BMP1: variants seen among roughly 807,000 people sequenced by gnomAD.
BMP1 encodes bone morphogenetic protein 1.
BMP1 carries 63 observed loss-of-function variants against 116.8 expected under a neutral mutation model. That is an observed-to-expected ratio of 0.54 (90% confidence interval 0.44 to 0.67). The LOEUF (loss-of-function observed/expected upper bound fraction) is 0.67. Ranked by LOEUF, BMP1 falls within the 30% of genes least tolerant of loss-of-function variation. The pLI is 0.00. For missense variants in BMP1, 1,183 were observed against 1,358.9 expected (o/e 0.87, Z 2.04); for synonymous variants, 536 against 533.4 (o/e 1.00, Z -0.07).
chr8:22,192,525 AT>A (rs1213673172), intron 9 of BMP1, among the ~76,000 whole-genome samples: 2 of 151,866 alleles, frequency 1.3e-5, no homozygotes, highest in Non-Finnish European at 2.9e-5. Flanking sequence ...AGGATCCACT[AT>A]TTTTTTCTAT....
chr8:22,197,224 C>T lies in BMP1; in HGVS notation c.1927-16C>T, dbSNP rs746826358. The T allele has an allele frequency of 6.2e-7, 1 of 1,600,764 alleles. No homozygotes were observed. Among genetic ancestry groups the T allele is most frequent in the Non-Finnish European group, 8.6e-7 (1 of 1,169,540 alleles). On this transcript the variant is annotated splice_polypyrimidine_tract_variant and intron_variant, in intron 14 of 19. Coordinates refer to ENST00000306385, the MANE Select transcript of BMP1 (RefSeq NM_006129.5). ...CTTCCTGGAGGAGGCGGGCCTGGAGCTGGGCTTCCCTGCAGGTGTGCAAGT... is the reference window on the plus strand; with the variant it reads ...CTTCCTGGAGGAGGCGGGCCTGGAGTTGGGCTTCCCTGCAGGTGTGCAAGT...
In BMP1 at chr8:22,196,670, G is replaced by A. The variant is rs370321818; in HGVS notation, c.1766-10G>A. On this transcript the variant is annotated splice_polypyrimidine_tract_variant and intron_variant, in intron 13 of 19. Transcript: ENST00000306385. ...CCCCGCAGACGATGCCACCTTCCTT[G>A]TCCCCGCAGCTGCTTGTGGCGGATT... is the stretch of plus-strand genomic sequence containing the variant. 238 of 1,613,714 alleles carry A rather than the reference G, an allele frequency of 1.5e-4. No homozygotes were observed. The highest frequency in any genetic ancestry group is 1.9e-4 in the Non-Finnish European group (219 of 1,179,988).
chr8:22,192,417 G>A (rs1022174394), intron 9 of BMP1: 6 of 375,374 alleles, frequency 1.6e-5, no homozygotes, highest in East Asian at 1.1e-4. Context: ...GTCACCCTAC[G>A]GGTGCAAGGA....
At chr8:22,198,742 C>T (rs1240801788) in intron 15 of BMP1, 1 of 199,394 alleles carries the variant, frequency 5.0e-6, no homozygotes. Context: ...CCTGCCTGAC[C>T]CCCGGATGCC....
intron 9 of BMP1, 68 bp downstream of exon 9, chr8:22,192,219 C>T (rs1359115400): frequency 3.6e-6 from 5 of 1,382,024 alleles, no homozygotes; most frequent in Non-Finnish European, 5.1e-6. Flanking sequence ...TCATCACACT[C>T]TTCATCCCCC....
chr8:22,185,140 TGAG>T (rs1828730214), intron 8 of BMP1, among the ~76,000 whole-genome samples: 2 of 152,058 alleles, frequency 1.3e-5, no homozygotes, highest in Non-Finnish European at 2.9e-5. Flanking sequence ...AGAACCTTTA[TGAG>T]GAGGAGACGG....
rs748260012 is a variant in BMP1, at chr8:22,194,167, C to T, written c.1290C>T (p.Val430=). The T allele has an allele frequency of 2.5e-6, 4 of 1,614,060 alleles. No individual in the cohort carries two copies. The Admixed American group carries it at 6.7e-5, about 27-fold the overall frequency. Reference sequence around the variant, plus strand: ...GGGTTGGAAAGGGCTTCTTTGCAGTCTACGAAGGTACTGAGGAAGGCGGCG... The same window carrying T: ...GGGTTGGAAAGGGCTTCTTTGCAGTTTACGAAGGTACTGAGGAAGGCGGCG... ...SNWVGKGFFA[V]YEAICGGDVK... Residue 430 remains valine (V), a synonymous_variant, in exon 10 of 20, where the codon GTC becomes GTT. Transcript: ENST00000306385. The surrounding 1 kb of genome is among the most constrained non-coding windows in gnomAD (Gnocchi z 4.5).
rs746080979 is a variant in BMP1 at position 22,195,596 on chromosome 8, C to T, written c.1765+9C>T. 2.5e-6 allele frequency: 4 copies of T among 1,610,742 alleles called. No homozygotes were observed. The highest frequency in any genetic ancestry group is 3.4e-6 in the Non-Finnish European group (4 of 1,179,292). On this transcript the variant is annotated intron_variant, in intron 13 of 19. Coordinates refer to ENST00000306385, the MANE Select transcript of BMP1 (RefSeq NM_006129.5). Reference sequence around the variant, plus strand: ...CAAGCGCCGCTGTGAGGGTGAGTGCCCCCAGACTGCCTCTGACCCTGTTCT... The same window carrying T: ...CAAGCGCCGCTGTGAGGGTGAGTGCTCCCAGACTGCCTCTGACCCTGTTCT...
rs752059486 is a variant in BMP1, at chr8:22,206,959, C to T, written c.2339C>T (p.Thr780Ile). Residue 780 changes from threonine (T) to isoleucine (I), a missense_variant, in exon 17 of 20, where the codon ACC becomes ATC. By Grantham distance (89) the Thr-to-Ile change is moderately conservative. Transcript: ENST00000306385. ...KKECTWAISS[T>I]PGHRVKLTFM... ...GAGTGCACGTGGGCCATCTCCAGCACCCCCGGGCACCGGGTCAAGCTGGTA... is the reference window on the plus strand; with the variant it reads ...GAGTGCACGTGGGCCATCTCCAGCATCCCCGGGCACCGGGTCAAGCTGGTA... 34 of 1,614,042 alleles carry T rather than the reference C, an allele frequency of 2.1e-5. No homozygotes were observed. In the South Asian group the frequency reaches 3.5e-4, roughly 17 times the overall value.
In BMP1 at chr8:22,201,824, ATAACGG is replaced by A. The variant is rs1829270037; in HGVS notation, c.2130_2135del (p.Asn711_Gly712del). 3 of 1,613,252 alleles carry A rather than the reference ATAACGG, an allele frequency of 1.9e-6. No individual in the cohort carries two copies. The highest frequency in any genetic ancestry group is 8.5e-7 in the Non-Finnish European group (1 of 1,179,952). ...GCAGACAAGGACGAGTGCTCCAAGG[ATAACGG>A]CGGCTGCCAGCAGGACTGCGTCAAC... is the stretch of plus-strand genomic sequence containing the variant. On this transcript the variant is annotated inframe_deletion, in exon 16 of 20. Transcript: ENST00000306385.
chr8:22,177,311 C>G (rs1012181080), intron 5 of BMP1, among the ~76,000 whole-genome samples, 172 bp downstream of exon 5: 5 of 152,242 alleles, frequency 3.3e-5, no homozygotes, highest in African/African-American at 1.2e-4. Context: ...ATTTCCTCCT[C>G]CGTGTCAGAT....
intron 8 of BMP1, among the ~76,000 whole-genome samples, chr8:22,184,495 G>T (rs138074183): frequency 3.3e-5 from 5 of 152,206 alleles, no homozygotes; most frequent in Admixed American, 1.3e-4. Context: ...AGAAGTACAC[G>T]AAGTAAAAAC....
Position 22,195,533 on chromosome 8 carries a change from A to C in BMP1, c.1711A>C (p.Lys571Gln), listed in dbSNP as rs1226299576. The C allele has an allele frequency of 1.9e-6, 3 of 1,612,640 alleles. No homozygotes were observed. The South Asian group carries it at 3.3e-5, about 18-fold the overall frequency. Reference protein sequence around the residue: ...QRCLNTLGSYKCSCDPGYELA... With the variant: ...QRCLNTLGSYQCSCDPGYELA... ...GTGCCTCAACACCCTGGGCAGCTAC[A>C]AGTGCAGCTGTGACCCCGGGTACGA... Residue 571 changes from lysine (K) to glutamine (Q), a missense_variant, in exon 13 of 20, where the codon AAG (lysine) becomes CAG (glutamine). Lys to Gln is a moderately conservative substitution (Grantham distance 53). Coordinates refer to ENST00000306385, the MANE Select transcript of BMP1 (RefSeq NM_006129.5).
At chr8:22,193,623 A>G (rs1828995277) in intron 9 of BMP1, among the ~76,000 whole-genome samples, 1 of 152,148 alleles carries the variant, frequency 6.6e-6, no homozygotes, top group Non-Finnish European at 1.5e-5. Context: ...ATCTCTACTA[A>G]AAATACGAAA....
Position 22,176,651 on chromosome 8 carries a change from G to T in BMP1, c.551+1G>T. ...TTGTGTTCACCTATCGACCTTGCGG[G>T]TGAGCAGGAAGCCCTAGGCGCTGTA... is the stretch of plus-strand genomic sequence containing the variant. On this transcript the variant is annotated splice_donor_variant, in intron 4 of 19. Transcript: ENST00000306385. LOFTEE classifies it high-confidence loss of function. 1 of 1,614,050 alleles carries T rather than the reference G, an allele frequency of 6.2e-7. No individual in the cohort carries two copies. Among genetic ancestry groups the T allele is most frequent in the South Asian group, 1.1e-5 (1 of 91,084 alleles).
chr8:22,209,389 A>T (rs1213571897), intron 18 of BMP1, 56 bp from the exon 19 acceptor site: 1 of 1,591,570 alleles, frequency 6.3e-7, no homozygotes, highest in African/African-American at 1.3e-5. Flanking sequence ...ATAGTGTGCC[A>T]TGGGGCCTGG....
At chr8:22,197,491 T>C (rs994449303) in intron 15 of BMP1, 71 bp downstream of exon 15, 2 of 1,520,218 alleles carry the variant, frequency 1.3e-6, no homozygotes, top group Admixed American at 3.5e-5. Context: ...TCCCTGCCCC[T>C]GCACCCCTGT....
In BMP1 at chr8:22,196,971, C is replaced by G. The variant is rs962923162; in HGVS notation, c.1926+131C>G. 11 of 1,297,658 alleles carry G rather than the reference C, an allele frequency of 8.5e-6. No homozygotes were observed. In the South Asian group the frequency reaches 1.7e-4, roughly 20 times the overall value. The allele number at this position is 1,297,658 out of a possible 1,614,324, so 80.4% of individuals were successfully genotyped here. A position where few individuals can be genotyped will look rare whatever the true frequency, so the allele number is the denominator to read the frequency against. On this transcript the variant is annotated intron_variant, in intron 14 of 19. Transcript: ENST00000306385. ...CTGCAAATATCGAGGAGAGACTGCTCCCAGCTCACGAAGCACAGGAGGCCC... is the reference window on the plus strand; with the variant it reads ...CTGCAAATATCGAGGAGAGACTGCTGCCAGCTCACGAAGCACAGGAGGCCC...
chr8:22,208,391 GC>G (rs761717028), intron 18 of BMP1, among the ~76,000 whole-genome samples: 1 of 152,294 alleles, frequency 6.6e-6, no homozygotes, highest in East Asian at 1.9e-4. Flanking sequence ...CTTCACTCCT[GC>G]CCCCCACCCC....
Sources: gnomAD v4.1 joint callset for allele counts (sites outside exome capture counted in the v4.1 genomes callset) on GRCh38, gnomAD v4.1.1 for gene constraint, Gnocchi (gnomAD v3.1) non-coding constraint, MANE v1.5 for transcripts, NCBI Gene and HGNC (gene_info 2026-07-23, HGNC 2026-07-21) for gene names.